Variants in DNAJC6 observed in about 807,000 individuals in gnomAD.
DNAJC6 encodes the protein auxilin.
Under a neutral mutation model 110.0 loss-of-function variants are expected in DNAJC6, and 34 were observed. The ratio of observed to expected loss-of-function variants is 0.31; its 90% CI spans 0.24 to 0.41. The LOEUF is 0.41. Among genes scored for constraint, DNAJC6 ranks in the 10% least tolerant of loss-of-function variants. DNAJC6 has a pLI of 1.00. For missense variants in DNAJC6, 1,031 were observed against 1,207.8 expected (o/e 0.85, Z 2.17); for synonymous variants, 406 against 437.2 (o/e 0.93, Z 0.89).
chr1:65,355,264 C>CAAAA (rs58338708), intron 1 of DNAJC6, among the ~76,000 whole-genome samples: 3 of 84,214 alleles, frequency 3.6e-5, no homozygotes, highest in Admixed American at 1.3e-4. Context: ...CACCCTGTCT[C>CAAAA]AAAAAAAAAA....
intron 1 of DNAJC6, among the ~76,000 whole-genome samples, chr1:65,283,538 G>T (rs1176156089): frequency 6.6e-6 from 1 of 151,844 alleles, no homozygotes; most frequent in Non-Finnish European, 1.5e-5. Flanking sequence ...AGCATAATTT[G>T]TTAAAATATT....
intron 4 of DNAJC6, among the ~76,000 whole-genome samples, chr1:65,370,198 T>C (rs116260652): frequency 6.6e-6 from 1 of 152,178 alleles, no homozygotes; most frequent in Admixed American, 6.5e-5. Flanking sequence ...GATCTATTGC[T>C]AGGCTTCAGA....
At position 65,309,713 on chromosome 1, in the gene DNAJC6, G is replaced by A. The variant is rs1225467104; in HGVS notation, c.-33G>A. On this transcript the variant is annotated 5_prime_UTR_variant, in exon 1 of 19. Transcript: ENST00000371069. ...TTCCATCTCCCTTTTCGCTTCCCAG[G>A]TTGATTATTTTCTCTTTTCTCCGGG... The A allele has an allele frequency of 6.5e-7, 1 of 1,539,374 alleles. No homozygotes were observed. The highest frequency in any genetic ancestry group is 8.8e-7 in the Non-Finnish European group (1 of 1,142,096).
intron 1 of DNAJC6, among the ~76,000 whole-genome samples, chr1:65,356,581 TAAATA>T (rs1553142754): frequency 2.0e-4 from 30 of 147,580 alleles, no homozygotes; most frequent in South Asian, 8.5e-4. Flanking sequence ...AATAAATAAA[TAAATA>T]AAATAAAATA....
chr1:65,380,244 G>T (rs1645804332), intron 5 of DNAJC6, among the ~76,000 whole-genome samples: 1 of 152,068 alleles, frequency 6.6e-6, no homozygotes, highest in Non-Finnish European at 1.5e-5. Flanking sequence ...CTTTTGTACT[G>T]CAGGCATAAA....
chr1:65,303,295 C>T (rs1313859106), intron 1 of DNAJC6, among the ~76,000 whole-genome samples: 1 of 152,112 alleles, frequency 6.6e-6, no homozygotes, highest in African/African-American at 2.4e-5. Flanking sequence ...GCTCAAAATA[C>T]GTGAATAATA....
At chr1:65,286,990 A>G (rs182153135) in intron 1 of DNAJC6, among the ~76,000 whole-genome samples, 115 of 152,310 alleles carry the variant, frequency 7.6e-4, no homozygotes, top group African/African-American at 2.7e-3. Flanking sequence ...CTCTCTAGAT[A>G]AAAGCAGAAA....
upstream of DNAJC6, among the ~76,000 whole-genome samples, chr1:65,309,002 G>A (rs1249037025): frequency 2.6e-5 from 4 of 152,124 alleles, no homozygotes; most frequent in Admixed American, 6.5e-5. Flanking sequence ...GATATATTCT[G>A]GCACTTAACA....
intron 1 of DNAJC6, among the ~76,000 whole-genome samples, chr1:65,319,660 C>A (rs904027712): frequency 1.3e-4 from 20 of 151,964 alleles, no homozygotes; most frequent in Non-Finnish European, 2.1e-4. Flanking sequence ...ACAAAAAAAC[C>A]AAAACAACCC....
At chr1:65,352,138 T>G (rs1190387043) in intron 1 of DNAJC6, among the ~76,000 whole-genome samples, 1 of 152,196 alleles carries the variant, frequency 6.6e-6, no homozygotes, top group Non-Finnish European at 1.5e-5. Context: ...TTCAAAAAGT[T>G]AAGTCATGGC....
Position 65,411,272 on chromosome 1 carries a change from A to G in DNAJC6, c.2657A>G (p.Lys886Arg), listed in dbSNP as rs779893107. 84 of 1,613,516 alleles carry G rather than the reference A, an allele frequency of 5.2e-5. No individual in the cohort carries two copies. The highest frequency in any genetic ancestry group is 6.3e-5 in the Non-Finnish European group (74 of 1,179,712). ...KLKILEWIEGKERNIRALLST... is the reference protein window; with the variant it reads ...KLKILEWIEGRERNIRALLST... ...CAGATTCTGGAATGGATTGAAGGCA[A>G]AGAAAGAAATATCAGAGCCCTTCTT... The change falls in exon 18 of 19, where the codon AAA becomes AGA. Residue 886 changes from lysine (K) to arginine (R), a missense_variant. By Grantham distance (26) the Lys-to-Arg change is conservative (BLOSUM62 2). Transcript: ENST00000371069.
At chr1:65,345,192 T>A (rs189619622) in intron 1 of DNAJC6, among the ~76,000 whole-genome samples, 22 of 151,814 alleles carry the variant, frequency 1.4e-4, no homozygotes, top group Non-Finnish European at 5.9e-5. Flanking sequence ...TTGTGGCAGT[T>A]CCTAGCTGCA....
At chr1:65,393,142 TA>T (rs1245144739) in intron 12 of DNAJC6, among the ~76,000 whole-genome samples, 1 of 152,224 alleles carries the variant, frequency 6.6e-6, no homozygotes, top group East Asian at 1.9e-4. Flanking sequence ...TGAGCTGCAT[TA>T]GTCTGCTTAA....
At chr1:65,360,409 A>T (rs1645586474) in intron 1 of DNAJC6, among the ~76,000 whole-genome samples, 1 of 152,144 alleles carries the variant, frequency 6.6e-6, no homozygotes, top group African/African-American at 2.4e-5. Flanking sequence ...ATAATCAAGG[A>T]TATTTATATC....
intron 1 of DNAJC6, 105 bp downstream of exon 1, chr1:65,310,043 G>T (rs1645083941): frequency 7.6e-7 from 1 of 1,313,184 alleles, no homozygotes; most frequent in Non-Finnish European, 9.9e-7. Context: ...CCCGGTTTGC[G>T]AGAGAGCCGG....
intron 17 of DNAJC6, among the ~76,000 whole-genome samples, chr1:65,410,226 A>G (rs774515356): frequency 8.5e-5 from 13 of 152,334 alleles, no homozygotes; most frequent in Non-Finnish European, 1.2e-4. Context: ...ATCTTAACAC[A>G]TTCTGAAAAC....
intron 11 of DNAJC6, among the ~76,000 whole-genome samples, chr1:65,391,278 C>T (rs1042732444): frequency 1.3e-5 from 2 of 152,160 alleles, no homozygotes; most frequent in African/African-American, 4.8e-5. Flanking sequence ...TTAGGAAAAT[C>T]TTTTCCTTTT....
intron 1 of DNAJC6, among the ~76,000 whole-genome samples, chr1:65,341,307 A>G (rs1645387284): frequency 6.6e-6 from 1 of 152,118 alleles, no homozygotes; most frequent in African/African-American, 2.4e-5. Context: ...TATTCTTACC[A>G]TTCTGTGGAT....
rs552812297 is a variant in DNAJC6 at position 65,266,979 on chromosome 1, C to T, written c.-131+2047C>T. On this transcript the variant is annotated intron_variant, in intron 1 of 19. Coordinates refer to the DNAJC6 transcript ENST00000263441. ...TGGTGCGATCTCGGCCCACTGCAACCTCTGCCTCCCAGGTTCAAGCGATTC... is the reference window on the plus strand; with the variant it reads ...TGGTGCGATCTCGGCCCACTGCAACTTCTGCCTCCCAGGTTCAAGCGATTC... Among the ~76,000 whole-genome samples, 10 of 151,960 alleles carry T rather than the reference C, an allele frequency of 6.6e-5. No individual in the cohort carries two copies. The South Asian group carries it at 1.3e-3, about 19-fold the overall frequency.
Sources: gnomAD v4.1 joint callset for allele counts (sites outside exome capture counted in the v4.1 genomes callset) on GRCh38, gnomAD v4.1.1 for gene constraint, MANE v1.5 for transcripts, NCBI Gene and HGNC (gene_info 2026-07-23, HGNC 2026-07-21) for gene names.